The following SNX9 variants were observed in gnomAD, a reference collection of about 807,000 sequenced individuals.
SNX9 encodes the protein sorting nexin-9.
SNX9 carries 44 observed loss-of-function variants against 89.4 expected under a neutral mutation model. That is an observed-to-expected ratio of 0.49 (90% CI 0.39 to 0.63). SNX9 has a LOEUF of 0.63. Among genes scored for constraint, SNX9 ranks in the 30% least tolerant of loss-of-function variants. The pLI, the probability that SNX9 is intolerant of heterozygous loss-of-function variation, is 0.00. For synonymous variants in SNX9, 236 were observed against 247.8 expected, an observed-to-expected ratio of 0.95 and a Z score of 0.45; for missense variants, 578 against 736.1, an observed-to-expected ratio of 0.79 and a Z score of 2.49.
intron 4 of SNX9, among the ~76,000 whole-genome samples, chr6:157,878,838 A>G (rs566370180): frequency 6.6e-6 from 1 of 152,236 alleles, no homozygotes; most frequent in African/African-American, 2.4e-5. Flanking sequence ...GGCTAATTCC[A>G]TTCATATACA....
At chr6:157,868,678 C>G (rs776601076) in intron 2 of SNX9, among the ~76,000 whole-genome samples, 5 of 152,200 alleles carry the variant, frequency 3.3e-5, no homozygotes, top group Non-Finnish European at 7.4e-5. Context: ...TGTAACTGTT[C>G]TTAAAATATG....
chr6:157,888,874 T>C (rs1319331697), intron 4 of SNX9, among the ~76,000 whole-genome samples: 1 of 152,132 alleles, frequency 6.6e-6, no homozygotes, highest in Non-Finnish European at 1.5e-5. Flanking sequence ...ATTACTGAAT[T>C]CATCCCACGG....
At chr6:157,926,158 C>T (rs1462332440) in intron 10 of SNX9, among the ~76,000 whole-genome samples, 1 of 152,114 alleles carries the variant, frequency 6.6e-6, no homozygotes, top group African/African-American at 2.4e-5. Flanking sequence ...CAAACCATAG[C>T]AGAAAAGCAA....
chr6:157,915,938 T>C (rs1783460679), intron 9 of SNX9, among the ~76,000 whole-genome samples: 1 of 151,726 alleles, frequency 6.6e-6, no homozygotes, highest in Admixed American at 6.6e-5. Flanking sequence ...ATCGCTTGAT[T>C]TTTGTATATC....
intron 12 of SNX9, among the ~76,000 whole-genome samples, chr6:157,931,323 C>A (rs1050054078): frequency 6.6e-6 from 1 of 152,200 alleles, no homozygotes; most frequent in African/African-American, 2.4e-5. Context: ...AGCTTATAGA[C>A]CTTACCTCAA....
intron 1 of SNX9, among the ~76,000 whole-genome samples, chr6:157,845,105 CTTTT>C (rs35257389): frequency 2.4e-5 from 3 of 124,780 alleles, no homozygotes; most frequent in South Asian, 2.6e-4. Context: ...TCCCATTTGT[CTTTT>C]TTTTTTTTTT....
At chr6:157,845,780 C>T (rs1295263053) in intron 1 of SNX9, among the ~76,000 whole-genome samples, 1 of 152,078 alleles carries the variant, frequency 6.6e-6, no homozygotes, top group Non-Finnish European at 1.5e-5. Flanking sequence ...ATGGCTGGTT[C>T]CTGTGGTTGC....
chr6:157,904,666 C>T (rs1370246537), intron 6 of SNX9, among the ~76,000 whole-genome samples: 1 of 151,948 alleles, frequency 6.6e-6, no homozygotes, highest in East Asian at 1.9e-4. Flanking sequence ...GCCGAGATCG[C>T]GCCACTGTAC....
chr6:157,863,269 G>C (rs1331573152), intron 1 of SNX9, among the ~76,000 whole-genome samples: 1 of 152,242 alleles, frequency 6.6e-6, no homozygotes, highest in Non-Finnish European at 1.5e-5. Context: ...CAGAAGAGGA[G>C]GTATGTGTTA....
At chr6:157,932,506 T>C (rs1783832147) in intron 13 of SNX9, among the ~76,000 whole-genome samples, 1 of 152,162 alleles carries the variant, frequency 6.6e-6, no homozygotes, top group Admixed American at 6.5e-5. Context: ...CTTTTTTTGC[T>C]CTCTGGTGTA....
At chr6:157,904,489 T>A (rs1165624462) in intron 6 of SNX9, among the ~76,000 whole-genome samples, 1 of 152,058 alleles carries the variant, frequency 6.6e-6, no homozygotes, top group East Asian at 1.9e-4. Flanking sequence ...ATTGCTGTCC[T>A]CAAATTTTTC....
At chr6:157,918,311 T>C (rs980456093) in intron 9 of SNX9, among the ~76,000 whole-genome samples, 1 of 152,188 alleles carries the variant, frequency 6.6e-6, no homozygotes, top group African/African-American at 2.4e-5. Flanking sequence ...AGTTTGTAAT[T>C]TTAATATCTT....
intron 4 of SNX9, among the ~76,000 whole-genome samples, chr6:157,880,569 G>T (rs948311140): frequency 4.6e-5 from 7 of 152,104 alleles, no homozygotes. Flanking sequence ...TGACTTTCCT[G>T]TTTCTGTTTC....
chr6:157,932,886 AAAAAAAAAG>A (rs1405877669), intron 13 of SNX9, among the ~76,000 whole-genome samples: 8 of 150,222 alleles, frequency 5.3e-5, no homozygotes, highest in African/African-American at 1.7e-4. Context: ...AAAAAAAAAA[AAAAAAAAAG>A]CCAGATTTCA....
rs76848999 is a variant in SNX9, at chr6:157,931,244, C to A, written c.1289-951C>A. On this transcript the variant is annotated intron_variant, in intron 12 of 17. Coordinates refer to ENST00000392185, the MANE Select transcript of SNX9 (RefSeq NM_016224.5). ...TAGGTAGAGAGGCAAAACTGAGGTA[C>A]CACAGGGGTACAATTTATTAAAATT... 2.5e-4 allele frequency among the ~76,000 whole-genome samples: 38 copies of A among 152,260 alleles called. 1 individual carries two copies. In the South Asian group the frequency reaches 7.5e-3, roughly 30 times the overall value.
chr6:157,832,376 G>C (rs902783047), intron 1 of SNX9, among the ~76,000 whole-genome samples: 9 of 152,210 alleles, frequency 5.9e-5, no homozygotes, highest in Admixed American at 3.3e-4. Flanking sequence ...TGAAAGGCCT[G>C]TCCTTGTACT....
chr6:157,854,542 G>A lies in SNX9; in HGVS notation c.13-13005G>A, dbSNP rs542908760. On this transcript the variant is annotated intron_variant, in intron 1 of 17. Coordinates refer to ENST00000392185, the MANE Select transcript of SNX9 (RefSeq NM_016224.5). ...GTGTGCTTTGACTAGTTGTGTACAT[G>A]CAAACACGTATGGCAAATTTATAAC... 2.6e-5 allele frequency among the ~76,000 whole-genome samples: 4 copies of A among 152,348 alleles called. No homozygotes were observed. The East Asian group carries it at 7.7e-4, about 29-fold the overall frequency.
intron 1 of SNX9, among the ~76,000 whole-genome samples, chr6:157,827,874 T>C (rs1397405452): frequency 6.6e-6 from 1 of 151,592 alleles, no homozygotes; most frequent in Non-Finnish European, 1.5e-5. Context: ...TTTTTTTTTT[T>C]TTTAACTCTT....
intron 15 of SNX9, 41 bp from the exon 16 acceptor site, chr6:157,938,592 A>G (rs372256354): frequency 6.1e-5 from 82 of 1,334,296 alleles, no homozygotes; most frequent in Non-Finnish European, 8.0e-5. Flanking sequence ...ATGACTAATC[A>G]TTTCAGCTTT....
Sources: gnomAD v4.1 joint callset for allele counts (sites outside exome capture counted in the v4.1 genomes callset) on GRCh38, gnomAD v4.1.1 for gene constraint, MANE v1.5 for transcripts, NCBI Gene and HGNC (gene_info 2026-07-23, HGNC 2026-07-21) for gene names.